PALS2: variants seen among roughly 807,000 people sequenced by gnomAD.
PALS2 encodes protein PALS2.
Under a neutral mutation model 61.6 loss-of-function variants are expected in PALS2, and 27 were observed. That is an observed-to-expected ratio of 0.44 (90% CI 0.32 to 0.60). The LOEUF is 0.60. Ranked by LOEUF, PALS2 falls within the 20% of genes least tolerant of loss-of-function variation. PALS2 has a pLI of 0.05. For missense variants in PALS2, 554 were observed against 639.4 expected (o/e 0.87, Z 1.44); for synonymous variants, 236 against 218.6 (o/e 1.08, Z -0.70).
chr7:24,650,853 C>A (rs1413009427), intron 5 of PALS2, 141 bp downstream of exon 5: 2 of 619,198 alleles, frequency 3.2e-6, no homozygotes, highest in African/African-American at 3.7e-5. Flanking sequence ...CTTATTTTGT[C>A]ATGGGTGAAT....
At chr7:24,582,883 CTTTTTTTTTTTTTT>C (rs757869072) in intron 1 of PALS2, among the ~76,000 whole-genome samples, 1 of 57,468 alleles carries the variant, frequency 1.7e-5, no homozygotes, top group Non-Finnish European at 3.3e-5. Flanking sequence ...GATAGTCATG[CTTTTTTTTTTTTTT>C]TTTTTTTTTT....
chr7:24,644,751 A>G (rs1785744245), intron 3 of PALS2, among the ~76,000 whole-genome samples: 1 of 152,074 alleles, frequency 6.6e-6, no homozygotes, highest in Non-Finnish European at 1.5e-5. Context: ...GAGCTAATAT[A>G]CATTCCCACC....
rs1246282033 is a variant in PALS2 at position 24,650,094 on chromosome 7, AGTT to A, written c.423+334_423+336del. Among the ~76,000 whole-genome samples the A allele has an allele frequency of 6.6e-5, 10 of 152,178 alleles. No individual in the cohort carries two copies. The East Asian group carries it at 1.7e-3, about 26-fold the overall frequency. On this transcript the variant is annotated intron_variant, in intron 4 of 11. Transcript: ENST00000222644. ...CTGACAGTATCAAAATATAAAAAGA[AGTT>A]GTTATTAAAAATTGAAGCCATACTA... is the stretch of plus-strand genomic sequence containing the variant.
chr7:24,663,459 G>T, intron 5 of PALS2, 131 bp from the exon 6 acceptor site: 1 of 843,052 alleles, frequency 1.2e-6, no homozygotes, highest in East Asian at 3.3e-5. Flanking sequence ...ATTTATGAGA[G>T]ACAAGTTCAT....
chr7:24,573,511 T>C lies in PALS2; in HGVS notation c.-85T>C, dbSNP rs1782524367. On this transcript the variant is annotated 5_prime_UTR_variant, in exon 1 of 12. Coordinates refer to ENST00000222644, the MANE Select transcript of PALS2 (RefSeq NM_001303037.2). This position sits in a 1 kb window ranked among gnomAD's most constrained non-coding sequence, Gnocchi z 5.3. ...GCAGATGGGGCTGCTCGGCGGCGCC[T>C]GTGGCTGAGGGAGAGCAGCGGCGGC... is the stretch of plus-strand genomic sequence containing the variant. 2.6e-6 allele frequency: 1 copy of C among 378,032 alleles called. No homozygotes were observed. The highest frequency in any genetic ancestry group is 4.7e-6 in the Non-Finnish European group (1 of 214,522). The allele number at this position is 378,032 out of a possible 1,614,324, so 23.4% of individuals were successfully genotyped here. A position where few individuals can be genotyped will look rare whatever the true frequency, so the allele number is the denominator to read the frequency against.
At chr7:24,652,130 A>C (rs914691849) in intron 5 of PALS2, among the ~76,000 whole-genome samples, 1 of 152,100 alleles carries the variant, frequency 6.6e-6, no homozygotes, top group African/African-American at 2.4e-5. Context: ...CTGAGGCCTT[A>C]TCTTGGACCT....
chr7:24,687,010 A>C lies in PALS2; in HGVS notation c.1447-428A>C, dbSNP rs1343768648. Among the ~76,000 whole-genome samples, 1 of 152,220 alleles carries C rather than the reference A, an allele frequency of 6.6e-6. No homozygotes were observed. The highest frequency in any genetic ancestry group is 1.9e-4 in the East Asian group (1 of 5,198). ...TCTCTGATCTTATAGAGAGGTAGCA[A>C]GTTTGGCTTTGAGCTTAACAGCCAC... is the stretch of plus-strand genomic sequence containing the variant. On this transcript the variant is annotated intron_variant, in intron 11 of 11. Transcript: ENST00000222644. This position sits in a 1 kb window ranked among gnomAD's most constrained non-coding sequence, Gnocchi z 4.5.
chr7:24,599,638 G>A (rs1350066165), intron 1 of PALS2, among the ~76,000 whole-genome samples: 1 of 150,336 alleles, frequency 6.7e-6, no homozygotes, highest in Non-Finnish European at 1.5e-5. Flanking sequence ...CCAAGTAGCT[G>A]GGATTACAGG....
intron 2 of PALS2, among the ~76,000 whole-genome samples, chr7:24,639,118 C>G (rs1300952270): frequency 6.6e-6 from 1 of 152,180 alleles, no homozygotes; most frequent in South Asian, 2.1e-4. Flanking sequence ...CCATGCTAAT[C>G]AGCAACAACT....
chr7:24,629,906 G>A (rs1443218801), intron 2 of PALS2, among the ~76,000 whole-genome samples: 1 of 152,190 alleles, frequency 6.6e-6, no homozygotes, highest in Non-Finnish European at 1.5e-5. Context: ...CAAGCATTGT[G>A]GAAGACAGTG....
At chr7:24,597,449 C>T (rs1258541086) in intron 1 of PALS2, among the ~76,000 whole-genome samples, 1 of 152,096 alleles carries the variant, frequency 6.6e-6, no homozygotes, top group Non-Finnish European at 1.5e-5. Context: ...ATAATACAGA[C>T]TACTCTTTGA....
chr7:24,586,303 G>A (rs1783063114), intron 1 of PALS2, among the ~76,000 whole-genome samples: 1 of 152,164 alleles, frequency 6.6e-6, no homozygotes, highest in Non-Finnish European at 1.5e-5. Flanking sequence ...GAATTCAGAA[G>A]AAGAAATGTT....
At chr7:24,603,244 G>A (rs1783780653) in intron 1 of PALS2, among the ~76,000 whole-genome samples, 1 of 152,206 alleles carries the variant, frequency 6.6e-6, no homozygotes, top group South Asian at 2.1e-4. Flanking sequence ...GTGAGCTTAG[G>A]ACTAGCTGAG....
intron 1 of PALS2, chr7:24,574,143 A>G (rs930643373): frequency 1.3e-5 from 2 of 152,188 alleles, no homozygotes; most frequent in Non-Finnish European, 2.9e-5. Flanking sequence ...CGGAGTTGGT[A>G]GGGGAGGAGG....
intron 2 of PALS2, among the ~76,000 whole-genome samples, chr7:24,629,610 C>A (rs1338379495): frequency 6.6e-6 from 1 of 151,390 alleles, no homozygotes; most frequent in Non-Finnish European, 1.5e-5. Flanking sequence ...TATCCAGACT[C>A]TACAAGGAAC....
At chr7:24,674,197 T>A (rs1787446979) in intron 9 of PALS2, 1 of 152,544 alleles carries the variant, frequency 6.6e-6, no homozygotes, top group Non-Finnish European at 1.5e-5. Flanking sequence ...CTTACATGAG[T>A]ACAGTTAATA....
intron 5 of PALS2, among the ~76,000 whole-genome samples, chr7:24,659,930 G>A (rs2128084411): frequency 6.6e-6 from 1 of 152,202 alleles, no homozygotes; most frequent in Non-Finnish European, 1.5e-5. Context: ...TGATCTCCCA[G>A]GTCTCCCAGT....
rs1159885893 is a variant in PALS2, at chr7:24,623,743, A to C, written c.76A>C (p.Lys26Gln). 3 of 1,606,404 alleles carry C rather than the reference A, an allele frequency of 1.9e-6. No homozygotes were observed. The highest frequency in any genetic ancestry group is 2.6e-6 in the Non-Finnish European group (3 of 1,175,276). ...GAEEIDLIFL[K>Q]GIMENPIVKS... ...AGAAGAAATAGACCTAATTTTCCTC[A>C]AGGGAATTATGGAGAATCCTATTGT... The change falls in exon 2 of 12, where the codon AAG becomes CAG. Residue 26 changes from lysine to glutamine, a missense_variant. By Grantham distance (53) the Lys-to-Gln change is moderately conservative. Transcript: ENST00000222644.
In PALS2 at chr7:24,622,975, G is replaced by C. The variant is rs142559414; in HGVS notation, c.-2-691G>C. ...CTTGGTTTTATTAATAGAGTCTGTT[G>C]AGTTTTTATCTGTTGAACCACTCGT... is the stretch of plus-strand genomic sequence containing the variant. On this transcript the variant is annotated intron_variant, in intron 1 of 11. Transcript: ENST00000222644. Among the ~76,000 whole-genome samples, 181 of 151,994 alleles carry C rather than the reference G, an allele frequency of 1.2e-3. No individual in the cohort carries two copies. In the East Asian group the frequency reaches 0.028, roughly 24 times the overall value.
Sources: allele counts gnomAD v4.1 joint callset (sites outside exome capture counted in the v4.1 genomes callset), GRCh38; gene constraint gnomAD v4.1.1; non-coding constraint Gnocchi (gnomAD v3.1); transcripts MANE v1.5; gene names NCBI Gene and HGNC (gene_info 2026-07-23, HGNC 2026-07-21).